SLC13A3: variants seen among roughly 807,000 people sequenced by gnomAD.
The protein encoded by SLC13A3 is Na(+)/dicarboxylate cotransporter 3.
Under a neutral mutation model 59.0 loss-of-function variants are expected in SLC13A3, and 40 were observed. The ratio of observed to expected loss-of-function variants is 0.68; its 90% CI spans 0.53 to 0.88. The LOEUF (loss-of-function observed/expected upper bound fraction) is 0.88, where lower values mean the gene tolerates loss of function less well. Among genes scored for constraint, SLC13A3 ranks in the 40% least tolerant of loss-of-function variants. The probability of loss-of-function intolerance (pLI) is 0.00; values close to 1 mark genes in which losing one functional copy is unlikely to be tolerated. For synonymous variants in SLC13A3, 317 were observed against 330.3 expected, an observed-to-expected ratio of 0.96 and a Z score of 0.44; for missense variants, 699 against 783.2, an observed-to-expected ratio of 0.89 and a Z score of 1.28.
At chr20:46,676,580 C>T (rs2063127549) in intron 1 of SLC13A3, among the ~76,000 whole-genome samples, 1 of 151,426 alleles carries the variant, frequency 6.6e-6, no homozygotes, top group Non-Finnish European at 1.5e-5. Flanking sequence ...TTTTCTTTTT[C>T]TTTAGTTTGT....
chr20:46,672,851 G>T (rs975830226), upstream of SLC13A3, among the ~76,000 whole-genome samples: 14 of 152,120 alleles, frequency 9.2e-5, no homozygotes, highest in Non-Finnish European at 1.5e-4. Context: ...CAAGACACAT[G>T]AATGAAGCTG....
At chr20:46,649,648 C>T (rs138827056) in intron 1 of SLC13A3, among the ~76,000 whole-genome samples, 472 of 152,246 alleles carry the variant, frequency 3.1e-3, no homozygotes, top group Non-Finnish European at 5.3e-3. Context: ...CAGAAGCTAG[C>T]GGTGTAATCG....
Position 46,589,253 on chromosome 20 carries a change from C to T in SLC13A3, c.923G>A (p.Gly308Asp), listed in dbSNP as rs747676635. 9 of 1,614,078 alleles carry T rather than the reference C, an allele frequency of 5.6e-6. No individual in the cohort carries two copies. Among genetic ancestry groups the T allele is most frequent in the African/African-American group, 1.3e-5 (1 of 75,052 alleles). ...SFLYGGLSFR[G>D]WRKNKSEIRT... Reference sequence around the variant, plus strand: ...TATCTCAGATTTATTCTTCCTCCAGCCCCTGAAACAGAAAGTGGGAGATTA... The same window carrying T: ...TATCTCAGATTTATTCTTCCTCCAGTCCCTGAAACAGAAAGTGGGAGATTA... Residue 308 changes from glycine to aspartate, a missense_variant and splice_region_variant, in exon 7 of 13, where the codon GGC becomes GAC. Gly to Asp is a moderately conservative substitution (Grantham distance 94). Coordinates refer to ENST00000279027, the MANE Select transcript of SLC13A3 (RefSeq NM_022829.6).
intron 6 of SLC13A3, among the ~76,000 whole-genome samples, chr20:46,591,761 G>A (rs1390759117): frequency 1.3e-5 from 2 of 152,036 alleles, no homozygotes; most frequent in African/African-American, 2.4e-5. Flanking sequence ...ATGGGAAATC[G>A]TGCACTCCCC....
chr20:46,575,655 G>A lies in SLC13A3; in HGVS notation c.1250C>T (p.Thr417Ile). 1.2e-6 allele frequency: 2 copies of A among 1,602,138 alleles called. No individual in the cohort carries two copies. Among genetic ancestry groups the A allele is most frequent in the Non-Finnish European group, 8.5e-7 (1 of 1,174,124 alleles). Residue 417 changes from threonine to isoleucine, a missense_variant, in exon 10 of 13, where the codon ACC becomes ATC. Physicochemically the swap from Thr to Ile is moderately conservative, Grantham distance 89. Coordinates refer to ENST00000279027, the MANE Select transcript of SLC13A3 (RefSeq NM_022829.6). ...APNTETEPLLTWKKAQETVPW... is the reference protein window; with the variant it reads ...APNTETEPLLIWKKAQETVPW... ...CACTGTCTCCTGGGCCTTCTTCCAG[G>A]TCAGCAAGGGCTCTGTCTCTGTGTT...
At chr20:46,612,090 C>A (rs1202480068) in intron 2 of SLC13A3, among the ~76,000 whole-genome samples, 1 of 110,308 alleles carries the variant, frequency 9.1e-6, no homozygotes, top group Non-Finnish European at 1.9e-5. Flanking sequence ...TCTGTCTTTT[C>A]TTTTCTTTCT....
chr20:46,620,643 G>A (rs1402652777), intron 1 of SLC13A3, among the ~76,000 whole-genome samples: 1 of 152,130 alleles, frequency 6.6e-6, no homozygotes, highest in Admixed American at 6.6e-5. Flanking sequence ...GATGAGGCCT[G>A]CAGTGGCAGA....
chr20:46,605,546 G>A (rs2062430023), intron 3 of SLC13A3, among the ~76,000 whole-genome samples: 1 of 152,158 alleles, frequency 6.6e-6, no homozygotes, highest in African/African-American at 2.4e-5. Context: ...TCTTACAGCT[G>A]TCTCCAAGCA....
At chr20:46,571,909 A>AGGAAG (rs1280917915) in intron 10 of SLC13A3, among the ~76,000 whole-genome samples, 1 of 152,150 alleles carries the variant, frequency 6.6e-6, no homozygotes, top group Non-Finnish European at 1.5e-5. Context: ...GATGTGGCTG[A>AGGAAG]GGAAGGGGCC....
intron 5 of SLC13A3, among the ~76,000 whole-genome samples, chr20:46,595,444 G>C (rs919888977): frequency 1.3e-5 from 2 of 152,056 alleles, no homozygotes; most frequent in African/African-American, 4.8e-5. Flanking sequence ...CACTTCCAGG[G>C]GTGGGGAGAC....
At chr20:46,603,705 A>G (rs1199043111) in intron 3 of SLC13A3, among the ~76,000 whole-genome samples, 2 of 152,084 alleles carry the variant, frequency 1.3e-5, no homozygotes, top group Non-Finnish European at 2.9e-5. Flanking sequence ...TGAATATCAT[A>G]TAATTTTTCA....
At chr20:46,590,823 C>T (rs1267398646) in intron 6 of SLC13A3, among the ~76,000 whole-genome samples, 2 of 152,136 alleles carry the variant, frequency 1.3e-5, no homozygotes, top group Non-Finnish European at 2.9e-5. Flanking sequence ...ATGCTTGCTT[C>T]CTTTGAGCTA....
intron 1 of SLC13A3, among the ~76,000 whole-genome samples, chr20:46,649,921 G>A (rs1390246131): frequency 2.0e-5 from 3 of 152,184 alleles, no homozygotes; most frequent in Admixed American, 6.5e-5. Flanking sequence ...TGCCCAAGGA[G>A]GGCTCCTTCT....
In SLC13A3 at chr20:46,610,466, T is replaced by A; in HGVS notation, c.521A>T (p.Gln174Leu). 6.2e-7 allele frequency: 1 copy of A among 1,613,828 alleles called. No homozygotes were observed. ...CTCACCTGTGTTCTCTTCACTCTCC[T>A]GGCTGGGGTCCTTTCGAACCTCCTT... ...GQKEVRKDPS[Q>L]ESEENTAAVR... Residue 174 changes from glutamine (Q) to leucine (L), a missense_variant, in exon 3 of 13, where the codon CAG (glutamine) becomes CTG (leucine). Transcript: ENST00000279027.
Position 46,668,176 on chromosome 20 carries a change from T to C in SLC13A3, c.-31+1867A>G, listed in dbSNP as rs961190665. The stretch of plus-strand genomic sequence containing the variant: ...AAGAAAGAGTCATACATCTCTCACT[T>C]TAAAATCAAAAGCTAGAAATGGTTA... On this transcript the variant is annotated intron_variant, in intron 1 of 12. Coordinates refer to the SLC13A3 transcript ENST00000290317. Among the ~76,000 whole-genome samples the C allele has an allele frequency of 5.3e-5, 8 of 152,288 alleles. No homozygotes were observed. The East Asian group carries it at 1.5e-3, about 29-fold the overall frequency.
At chr20:46,592,598 C>T in intron 5 of SLC13A3, 69 bp from the exon 6 acceptor site, 1 of 1,527,218 alleles carries the variant, frequency 6.5e-7, no homozygotes, top group South Asian at 1.1e-5. Context: ...GGAGAGGGGA[C>T]CAGGCAGTAC....
At chr20:46,680,551 G>C (rs989586936) in intron 1 of SLC13A3, among the ~76,000 whole-genome samples, 1 of 152,216 alleles carries the variant, frequency 6.6e-6, no homozygotes, top group African/African-American at 2.4e-5. Context: ...ACTCACAGTA[G>C]GCAGAGAGTG....
At chr20:46,643,687 A>AC (rs761650126) in intron 1 of SLC13A3, among the ~76,000 whole-genome samples, 14 of 152,138 alleles carry the variant, frequency 9.2e-5, no homozygotes, top group Non-Finnish European at 1.8e-4. Context: ...TTGACCTCTG[A>AC]CCCCCCTCAC....
chr20:46,667,232 C>A (rs970532994), intron 1 of SLC13A3, among the ~76,000 whole-genome samples: 1 of 152,134 alleles, frequency 6.6e-6, no homozygotes, highest in Non-Finnish European at 1.5e-5. Context: ...CCAGGGAGCA[C>A]TTTGGACCTT....
Sources: allele counts gnomAD v4.1 joint callset (sites outside exome capture counted in the v4.1 genomes callset), GRCh38; gene constraint gnomAD v4.1.1; transcripts MANE v1.5; gene names NCBI Gene and HGNC (gene_info 2026-07-23, HGNC 2026-07-21).